KDM7A: variants seen among roughly 807,000 people sequenced by gnomAD.
The protein encoded by KDM7A is lysine-specific demethylase 7A.
A neutral mutation model predicts 114.8 loss-of-function variants in KDM7A; 28 were observed. That is an observed-to-expected ratio of 0.24 (90% CI 0.18 to 0.33). KDM7A has a LOEUF of 0.33. KDM7A is among the 10% of genes least tolerant of loss of function. The pLI is 1.00. For missense variants in KDM7A, 942 were observed against 1,142.5 expected (o/e 0.82, Z 2.53); for synonymous variants, 423 against 397.8 (o/e 1.06, Z -0.75).
chr7:140,087,835 C>T lies in KDM7A; in HGVS notation c.*3259G>A, dbSNP rs927477912. 1.3e-5 allele frequency: 2 copies of T among 152,170 alleles called. No individual in the cohort carries two copies. Among genetic ancestry groups the T allele is most frequent in the Non-Finnish European group, 2.9e-5 (2 of 68,014 alleles). 9.4% of individuals were successfully genotyped at this position (152,170 alleles called of 1,614,324 possible). A position where few individuals can be genotyped will look rare whatever the true frequency, so the allele number is the denominator to read the frequency against. On this transcript the variant is annotated 3_prime_UTR_variant, in exon 20 of 20. Transcript: ENST00000397560. ...CTACAGTGGCATATCTCAGTTGAAA[C>T]TAAAAAAGTCAGCATGTTTTTTAAT...
At chr7:140,106,027 T>G (rs1818332537) in intron 11 of KDM7A, among the ~76,000 whole-genome samples, 1 of 152,208 alleles carries the variant, frequency 6.6e-6, no homozygotes, top group Non-Finnish European at 1.5e-5. Flanking sequence ...GAAGGGTGTA[T>G]GTGTTGAGGA....
At chr7:140,170,142 C>T (rs1794622427) in intron 1 of KDM7A, among the ~76,000 whole-genome samples, 1 of 151,972 alleles carries the variant, frequency 6.6e-6, no homozygotes, top group African/African-American at 2.4e-5. Flanking sequence ...CTATCCCTAA[C>T]CAATTTTAAG....
intron 11 of KDM7A, among the ~76,000 whole-genome samples, chr7:140,102,486 G>A (rs1166462057): frequency 2.6e-5 from 4 of 151,874 alleles, no homozygotes; most frequent in Non-Finnish European, 5.9e-5. Flanking sequence ...GAGCTCAAGC[G>A]ATCCTCCTAC....
Position 140,119,099 on chromosome 7 carries a change from A to C in KDM7A, c.1246+14T>G, listed in dbSNP as rs745628133. On this transcript the variant is annotated intron_variant, in intron 9 of 19. Coordinates refer to ENST00000397560, the MANE Select transcript of KDM7A (RefSeq NM_030647.2). The stretch of plus-strand genomic sequence containing the variant: ...TGCATCATATCATATACAAACATGC[A>C]AATTATTAATTACCTTTCAGGGTTT... 6.7e-7 allele frequency: 1 copy of C among 1,487,390 alleles called. No individual in the cohort carries two copies. Among genetic ancestry groups the C allele is most frequent in the Admixed American group, 1.7e-5 (1 of 57,974 alleles). 92.1% of individuals were successfully genotyped at this position (1,487,390 alleles called of 1,614,324 possible).
At chr7:140,166,087 G>T (rs2158568) in intron 1 of KDM7A, among the ~76,000 whole-genome samples, 1,591 of 152,162 alleles carry the variant, frequency 0.01, 23 homozygotes, top group African/African-American at 0.037. Context: ...TCATGGGTAT[G>T]TATATATAGG....
chr7:140,173,594 C>T (rs1794669999), intron 1 of KDM7A, among the ~76,000 whole-genome samples: 1 of 152,098 alleles, frequency 6.6e-6, no homozygotes, highest in Non-Finnish European at 1.5e-5. Context: ...AGAAATTACC[C>T]AGGCAATGGC....
At chr7:140,139,899 T>C (rs1794241904) in intron 1 of KDM7A, among the ~76,000 whole-genome samples, 1 of 152,192 alleles carries the variant, frequency 6.6e-6, no homozygotes, top group African/African-American at 2.4e-5. Context: ...AACAATTTCA[T>C]GCTAAGAGAT....
intron 9 of KDM7A, among the ~76,000 whole-genome samples, chr7:140,115,599 G>A (rs563847225): frequency 3.3e-5 from 5 of 152,082 alleles, no homozygotes; most frequent in East Asian, 1.9e-4. Context: ...AAGGTAGCAT[G>A]CTCGTTAAGA....
At position 140,088,832 on chromosome 7, in the gene KDM7A, C is replaced by T. The variant is rs562080514; in HGVS notation, c.*2262G>A. 7.5e-5 allele frequency: 21 copies of T among 280,682 alleles called. No individual in the cohort carries two copies. The highest frequency in any genetic ancestry group is 4.1e-4 in the African/African-American group (19 of 45,840). The allele number at this position is 280,682 out of a possible 1,614,324, so 17.4% of individuals were successfully genotyped here. A position where few individuals can be genotyped will look rare whatever the true frequency, so the allele number is the denominator to read the frequency against. On this transcript the variant is annotated 3_prime_UTR_variant, in exon 20 of 20. Coordinates refer to ENST00000397560, the MANE Select transcript of KDM7A (RefSeq NM_030647.2). ...AGCCTAAGGACACAGTGGATACTGG[C>T]CACAATTTTAATTCATAAAAATAAA... is the stretch of plus-strand genomic sequence containing the variant.
At chr7:140,146,481 C>T (rs1794341534) in intron 1 of KDM7A, among the ~76,000 whole-genome samples, 1 of 152,196 alleles carries the variant, frequency 6.6e-6, no homozygotes, top group Admixed American at 6.5e-5. Context: ...ACACAAAGAG[C>T]ACAACTCTGA....
intron 2 of KDM7A, 61 bp downstream of exon 2, chr7:140,139,044 G>A (rs536540163): frequency 9.6e-6 from 10 of 1,043,924 alleles, no homozygotes; most frequent in African/African-American, 1.6e-5. Context: ...CCATGTACAT[G>A]TAAGTTTGAA....
chr7:140,162,565 T>TTA (rs1185397590), intron 1 of KDM7A, among the ~76,000 whole-genome samples: 1 of 150,446 alleles, frequency 6.6e-6, no homozygotes, highest in Non-Finnish European at 1.5e-5. Flanking sequence ...TGAATGCAAC[T>TTA]TATAGCCCCA....
intron 12 of KDM7A, 93 bp from the exon 13 acceptor site, chr7:140,100,116 T>C (rs1363745232): frequency 2.2e-6 from 3 of 1,345,848 alleles, no homozygotes; most frequent in Non-Finnish European, 3.1e-6. Flanking sequence ...TCCCCCATGG[T>C]CCTGCATCTC....
chr7:140,112,687 T>C (rs1375931024), intron 10 of KDM7A, among the ~76,000 whole-genome samples: 2 of 151,740 alleles, frequency 1.3e-5, no homozygotes, highest in Non-Finnish European at 3.0e-5. Context: ...TAAAGTATTA[T>C]GTGCAAAGTT....
chr7:140,165,932 G>C (rs2116854777), intron 1 of KDM7A, among the ~76,000 whole-genome samples: 1 of 152,284 alleles, frequency 6.6e-6, no homozygotes, highest in East Asian at 1.9e-4. Flanking sequence ...AGAAATTCAT[G>C]CTAGTTTTGC....
chr7:140,161,438 CTTT>C (rs1292405793), intron 1 of KDM7A, among the ~76,000 whole-genome samples: 1 of 152,156 alleles, frequency 6.6e-6, no homozygotes, highest in Non-Finnish European at 1.5e-5. Context: ...GACCTTTGTT[CTTT>C]TTTTAAAACT....
chr7:140,129,730 T>A, intron 3 of KDM7A, 77 bp from the exon 4 acceptor site: 1 of 824,554 alleles, frequency 1.2e-6, no homozygotes, highest in Non-Finnish European at 2.0e-6. Flanking sequence ...AGTGATGGGT[T>A]AATTCATATA....
intron 1 of KDM7A, among the ~76,000 whole-genome samples, chr7:140,157,840 A>C (rs917441685): frequency 9.9e-5 from 15 of 151,546 alleles, no homozygotes; most frequent in Admixed American, 1.3e-4. Flanking sequence ...GTGGTGGCAC[A>C]CGCCTGTAAT....
At chr7:140,101,678 A>G (rs1314854527) in intron 12 of KDM7A, among the ~76,000 whole-genome samples, 1 of 152,088 alleles carries the variant, frequency 6.6e-6, no homozygotes, top group Non-Finnish European at 1.5e-5. Flanking sequence ...TTTGCTCACA[A>G]TCTTCTCCAG....
Sources: gnomAD v4.1 joint callset for allele counts (sites outside exome capture counted in the v4.1 genomes callset) on GRCh38, gnomAD v4.1.1 for gene constraint, MANE v1.5 for transcripts, NCBI Gene and HGNC (gene_info 2026-07-23, HGNC 2026-07-21) for gene names.